The following DNAJC17 variants were observed in gnomAD, a reference collection of about 807,000 sequenced individuals.
DNAJC17 encodes DnaJ heat shock protein family (Hsp40) member C17.
Under a neutral mutation model 48.1 loss-of-function variants are expected in DNAJC17, and 35 were observed. The ratio of observed to expected loss-of-function variants is 0.73; its 90% CI spans 0.56 to 0.96. The LOEUF (loss-of-function observed/expected upper bound fraction) is 0.96, where lower values mean the gene tolerates loss of function less well. Among genes scored for constraint, DNAJC17 ranks in the 50% least tolerant of loss-of-function variants. The probability of loss-of-function intolerance (pLI) is 0.00; values close to 1 mark genes in which losing one functional copy is unlikely to be tolerated. For missense variants in DNAJC17, 355 were observed against 377.1 expected (o/e 0.94, Z 0.48); for synonymous variants, 117 against 142.7 (o/e 0.82, Z 1.28).
At position 40,768,042 on chromosome 15, in the gene DNAJC17, CCTCT is replaced by C. The variant is rs773516322; in HGVS notation, c.809_812del (p.Glu270GlyfsTer8). 1.9e-6 allele frequency: 3 copies of C among 1,584,238 alleles called. No individual in the cohort carries two copies. Among genetic ancestry groups the C allele is most frequent in the Non-Finnish European group, 2.6e-6 (3 of 1,167,650 alleles). Reference sequence around the variant, plus strand: ...GCATCATGACGAGGCTCTCGTAGTCCCTCTCTGACAGCACTGAGCCCTGTCGGAC... The same window carrying C: ...GCATCATGACGAGGCTCTCGTAGTCCCTGACAGCACTGAGCCCTGTCGGAC... On this transcript the variant is annotated frameshift_variant, in exon 11 of 11. Transcript: ENST00000220496. LOFTEE classifies it high-confidence loss of function.
At chr15:40,774,960 G>A (rs898560587) in intron 8 of DNAJC17, 71 bp downstream of exon 8, 1 of 1,511,386 alleles carries the variant, frequency 6.6e-7, no homozygotes, top group Non-Finnish European at 9.2e-7. Flanking sequence ...GGCATTGAGA[G>A]CAGAGACCTA....
chr15:40,774,648 G>A (rs1244650384), intron 8 of DNAJC17, among the ~76,000 whole-genome samples: 5 of 152,276 alleles, frequency 3.3e-5, no homozygotes, highest in East Asian at 3.8e-4. Flanking sequence ...AAGGAATGAT[G>A]AGCAAAGCCC....
rs563534178 is a variant in DNAJC17 at position 40,776,213 on chromosome 15, C to T, written c.461G>A (p.Arg154His). The T allele has an allele frequency of 8.7e-6, 14 of 1,613,948 alleles. No individual in the cohort carries two copies. The highest frequency in any genetic ancestry group is 5.3e-5 in the African/African-American group (4 of 75,042). Residue 154 changes from arginine (R) to histidine (H), a missense_variant, in exon 6 of 11, where the codon CGT (arginine) becomes CAT (histidine). Physicochemically the swap from Arg to His is conservative, Grantham distance 29. Around this residue, in one of 3 missense-constraint regions of DNAJC17, gnomAD observed 199 missense variants for 199.9 expected, o/e 1.00. Transcript: ENST00000220496. ...RLIREQIRQE[R>H]DQRLRGKAEN... ...ACCTGCACCTCTCAACCTCTGGTCA[C>T]GCTCCTGGCGTATCTGCTCCCGGAT... is the stretch of plus-strand genomic sequence containing the variant.
chr15:40,780,536 C>T (rs900786420), intron 1 of DNAJC17: 24 of 362,560 alleles, frequency 6.6e-5, no homozygotes, highest in Non-Finnish European at 9.8e-5. Context: ...TATGATTGGC[C>T]GGTGCGGTGG....
chr15:40,777,994 C>T (rs76533144), intron 4 of DNAJC17, among the ~76,000 whole-genome samples: 4,950 of 152,056 alleles, frequency 0.033, 265 homozygotes, highest in African/African-American at 0.11. Context: ...GGGAGCTTCT[C>T]AAAGTGAAAA....
Position 40,775,073 on chromosome 15 carries a change from T to C in DNAJC17, c.558A>G (p.Lys186=). 1 of 1,614,158 alleles carries C rather than the reference T, an allele frequency of 6.2e-7. No homozygotes were observed. The highest frequency in any genetic ancestry group is 8.5e-7 in the Non-Finnish European group (1 of 1,180,042). The change falls in exon 8 of 11, where the codon AAA becomes AAG. Residue 186 remains lysine (K), a synonymous_variant. Coordinates refer to ENST00000220496, the MANE Select transcript of DNAJC17 (RefSeq NM_018163.3). ...GGAGGACGTCTTTGGAGTAGCCACC[T>C]TTTGACTCATCCTCCTTCTTGCACT... The part of the protein sequence containing the change: ...KWKCKKEDES[K]GGYSKDVLLR...
At chr15:40,807,258 C>T in intron 1 of DNAJC17, 111 bp downstream of exon 1, 1 of 1,594,254 alleles carries the variant, frequency 6.3e-7, no homozygotes, top group South Asian at 1.1e-5. Flanking sequence ...CCTCGCTCCC[C>T]GCCCAGGACC....
chr15:40,775,819 GTCAGCAC>G (rs908693760), intron 6 of DNAJC17, among the ~76,000 whole-genome samples: 7 of 152,152 alleles, frequency 4.6e-5, no homozygotes, highest in African/African-American at 1.7e-4. Context: ...AAGGCCACTT[GTCAGCAC>G]TCTCTGAATG....
At chr15:40,768,954 CG>C (rs1889040952) in intron 10 of DNAJC17, among the ~76,000 whole-genome samples, 1 of 152,224 alleles carries the variant, frequency 6.6e-6, no homozygotes, top group African/African-American at 2.4e-5. Context: ...GGCCCTGATC[CG>C]CGGTACCCCG....
chr15:40,780,675 A>G (rs1269676365), intron 1 of DNAJC17: 1 of 267,490 alleles, frequency 3.7e-6, no homozygotes, highest in African/African-American at 2.3e-5. Flanking sequence ...TTAGCTAGGC[A>G]TAGTGGCGGG....
At chr15:40,780,434 T>C in intron 1 of DNAJC17, 1 of 420,902 alleles carries the variant, frequency 2.4e-6, no homozygotes. Context: ...TGTAGAAGTA[T>C]GGCAAAAATA....
At chr15:40,788,471 T>A (rs1889702799) in intron 1 of DNAJC17, among the ~76,000 whole-genome samples, 1 of 151,900 alleles carries the variant, frequency 6.6e-6, no homozygotes, top group South Asian at 2.1e-4. Context: ...CCGAGGTGGG[T>A]GGATCATGAG....
intron 1 of DNAJC17, among the ~76,000 whole-genome samples, chr15:40,797,550 T>C (rs1309137860): frequency 1.3e-5 from 2 of 151,134 alleles, no homozygotes; most frequent in African/African-American, 2.4e-5. Context: ...GCAGCTGGGA[T>C]TACAGGCACC....
intron 10 of DNAJC17, chr15:40,772,427 G>C (rs374710724): frequency 1.2e-5 from 2 of 167,152 alleles, no homozygotes; most frequent in African/African-American, 4.8e-5. Context: ...ATACAGGAGA[G>C]AATGAATAAA....
Position 40,770,499 on chromosome 15 carries a change from G to A in DNAJC17, c.793-2437C>T. On this transcript the variant is annotated intron_variant, in intron 10 of 10. Coordinates refer to ENST00000220496, the MANE Select transcript of DNAJC17 (RefSeq NM_018163.3). This position sits in a 1 kb window ranked among gnomAD's most constrained non-coding sequence, Gnocchi z 5.0. ...TCTGCTGGCTCCCCTGGGCCCCATGGAGACCTGGCGGAAAGGCTCCTTCCG... is the reference window on the plus strand; with the variant it reads ...TCTGCTGGCTCCCCTGGGCCCCATGAAGACCTGGCGGAAAGGCTCCTTCCG... 2 of 1,548,840 alleles carry A rather than the reference G, an allele frequency of 1.3e-6. No individual in the cohort carries two copies. Among genetic ancestry groups the A allele is most frequent in the Non-Finnish European group, 1.7e-6 (2 of 1,146,240 alleles).
chr15:40,801,610 G>A (rs1000278575), intron 1 of DNAJC17, among the ~76,000 whole-genome samples: 7 of 152,030 alleles, frequency 4.6e-5, no homozygotes, highest in East Asian at 1.9e-4. Flanking sequence ...AAAATTAGCC[G>A]GGCGTGGTGG....
chr15:40,805,237 G>T (rs1039365214), intron 1 of DNAJC17, among the ~76,000 whole-genome samples: 5 of 151,696 alleles, frequency 3.3e-5, no homozygotes, highest in African/African-American at 1.2e-4. Flanking sequence ...TTAGCTGGGC[G>T]TGGTGGCGGG....
Position 40,779,926 on chromosome 15 carries a change from A to C in DNAJC17, c.148+2T>G. 1 of 1,613,758 alleles carries C rather than the reference A, an allele frequency of 6.2e-7. No homozygotes were observed. The highest frequency in any genetic ancestry group is 2.2e-5 in the East Asian group (1 of 44,882). ...CTCCCCACGCCCTGAGAAGAGTCTCACCTGCTCTGGGATTATCTGGATTTT... is the reference window on the plus strand; with the variant it reads ...CTCCCCACGCCCTGAGAAGAGTCTCCCCTGCTCTGGGATTATCTGGATTTT... On this transcript the variant is annotated splice_donor_variant, in intron 2 of 10. Transcript: ENST00000220496. LOFTEE classifies it high-confidence loss of function.
rs996003538 is a variant in DNAJC17, at chr15:40,765,794, C to G, written c.*2146G>C. ...AAGACCTTCCACCTCCTCCTGGCAGCCAGCCAAGCAGCCACTGTGGCTTAC... is the reference window on the plus strand; with the variant it reads ...AAGACCTTCCACCTCCTCCTGGCAGGCAGCCAAGCAGCCACTGTGGCTTAC... On this transcript the variant is annotated 3_prime_UTR_variant, in exon 11 of 11. Transcript: ENST00000220496. The G allele has an allele frequency of 8.3e-7, 1 of 1,209,852 alleles. No homozygotes were observed. Among genetic ancestry groups the G allele is most frequent in the South Asian group, 1.4e-5 (1 of 70,554 alleles). 74.9% of individuals were successfully genotyped at this position (1,209,852 alleles called of 1,614,324 possible). A position where few individuals can be genotyped will look rare whatever the true frequency, so the allele number is the denominator to read the frequency against.
Sources: allele counts gnomAD v4.1 joint callset (sites outside exome capture counted in the v4.1 genomes callset), GRCh38; gene constraint gnomAD v4.1.1; regional missense constraint gnomAD v4.1.1; non-coding constraint Gnocchi (gnomAD v3.1); transcripts MANE v1.5; gene names NCBI Gene and HGNC (gene_info 2026-07-23, HGNC 2026-07-21).